SUGCT: variants seen among roughly 807,000 people sequenced by gnomAD.
SUGCT encodes succinyl-CoA:glutarate-CoA transferase.
SUGCT carries 41 observed loss-of-function variants against 55.0 expected under a neutral mutation model. That is an observed-to-expected ratio of 0.74 (90% CI 0.58 to 0.97). The LOEUF (loss-of-function observed/expected upper bound fraction) is 0.97. Ranked by LOEUF, SUGCT falls within the 50% of genes least tolerant of loss-of-function variation. SUGCT has a pLI of 0.00. For missense variants in SUGCT, 568 were observed against 547.8 expected, an observed-to-expected ratio of 1.04 and a Z score of -0.37; for synonymous variants, 187 against 200.4, an observed-to-expected ratio of 0.93 and a Z score of 0.56.
the SUGCT span, among the ~76,000 whole-genome samples, chr7:41,008,633 C>T: frequency 6.6e-6 from 1 of 151,778 alleles, no homozygotes; most frequent in Non-Finnish European, 1.5e-5. Context: ...ATGGAGACAT[C>T]TTGAGTCTGC....
intron 10 of SUGCT, among the ~76,000 whole-genome samples, chr7:40,449,867 T>G (rs1229486600): frequency 1.3e-5 from 2 of 152,228 alleles, no homozygotes; most frequent in African/African-American, 4.8e-5. Flanking sequence ...GTTTCAAGGT[T>G]TTAGGAATTA....
At chr7:40,545,364 C>T (rs1422152400) in intron 12 of SUGCT, among the ~76,000 whole-genome samples, 1 of 152,196 alleles carries the variant, frequency 6.6e-6, no homozygotes, top group Non-Finnish European at 1.5e-5. Context: ...TTCTTTCTTA[C>T]TGGAGCACAC....
intron 12 of SUGCT, among the ~76,000 whole-genome samples, chr7:40,672,485 T>C (rs1246183682): frequency 6.6e-6 from 1 of 152,154 alleles, no homozygotes; most frequent in Non-Finnish European, 1.5e-5. Flanking sequence ...TAAGATTCCT[T>C]TTATATGTAC....
chr7:40,834,487 G>C (rs1792859658), intron 13 of SUGCT, among the ~76,000 whole-genome samples: 1 of 152,110 alleles, frequency 6.6e-6, no homozygotes, highest in Non-Finnish European at 1.5e-5. Flanking sequence ...AGATTGCAGG[G>C]TTTTATTTAA....
intron 9 of SUGCT, chr7:40,388,296 G>C (rs545267395): frequency 6.6e-6 from 1 of 152,044 alleles, no homozygotes; most frequent in Non-Finnish European, 1.5e-5. Flanking sequence ...TTTGTAATAG[G>C]TTGCATTTTC....
At chr7:40,447,423 T>C (rs1208033898) in intron 9 of SUGCT, among the ~76,000 whole-genome samples, 1 of 152,090 alleles carries the variant, frequency 6.6e-6, no homozygotes, top group Non-Finnish European at 1.5e-5. Flanking sequence ...GAGACTTTCA[T>C]GGAGGAGGGA....
chr7:40,752,424 C>T (rs1208033167), intron 13 of SUGCT, among the ~76,000 whole-genome samples: 2 of 152,312 alleles, frequency 1.3e-5, no homozygotes, highest in Admixed American at 1.3e-4. Context: ...GACGCAATCT[C>T]AGCTCACTGC....
intron 9 of SUGCT, among the ~76,000 whole-genome samples, chr7:40,441,265 T>C (rs1788499306): frequency 6.6e-6 from 1 of 152,200 alleles, no homozygotes; most frequent in Non-Finnish European, 1.5e-5. Flanking sequence ...GTAAATTGTC[T>C]AATATCACAC....
chr7:40,890,178 A>G, the SUGCT span, among the ~76,000 whole-genome samples: 44 of 146,252 alleles, frequency 3.0e-4, 2 homozygotes, highest in South Asian at 9.3e-3. Context: ...GAGTTTTTGA[A>G]TTTATATTAT....
In SUGCT at chr7:40,764,710, T is replaced by C. The variant is rs138890991; in HGVS notation, c.1153+15213T>C. 4.1e-3 allele frequency among the ~76,000 whole-genome samples: 628 copies of C among 152,352 alleles called. 1 individual carries two copies. Among genetic ancestry groups the C allele is most frequent in the Non-Finnish European group, 7.4e-3 (502 of 68,032 alleles). On this transcript the variant is annotated intron_variant, in intron 13 of 13. Coordinates refer to ENST00000335693, the MANE Select transcript of SUGCT (RefSeq NM_001193313.2). ...AAATGAAGCTTAATTGGGGCTGTTT[T>C]ACTGCATTGAACTGGCTAAGGAGTT...
intron 12 of SUGCT, among the ~76,000 whole-genome samples, chr7:40,644,893 C>T (rs980672691): frequency 7.2e-5 from 11 of 152,164 alleles, no homozygotes; most frequent in Non-Finnish European, 1.3e-4. Context: ...CCTGGGTCCA[C>T]GGGCAAGGCA....
intron 9 of SUGCT, among the ~76,000 whole-genome samples, chr7:40,394,945 C>T (rs1473145263): frequency 6.6e-6 from 1 of 152,116 alleles, no homozygotes; most frequent in Non-Finnish European, 1.5e-5. Context: ...AAGTTGATTC[C>T]ATATCTTGGC....
chr7:40,143,422 CAGAG>C (rs544297609), intron 1 of SUGCT, among the ~76,000 whole-genome samples: 4 of 152,148 alleles, frequency 2.6e-5, no homozygotes, highest in Non-Finnish European at 4.4e-5. Flanking sequence ...TGGGATATAG[CAGAG>C]AGAGAGTGTG....
chr7:40,386,088 G>A (rs1043557334), intron 9 of SUGCT, among the ~76,000 whole-genome samples: 1 of 152,122 alleles, frequency 6.6e-6, no homozygotes, highest in Non-Finnish European at 1.5e-5. Flanking sequence ...GGATGGCCTG[G>A]TTTCGTCTTC....
intron 11 of SUGCT, among the ~76,000 whole-genome samples, chr7:40,474,811 T>G (rs1374287513): frequency 6.6e-6 from 1 of 152,298 alleles, no homozygotes; most frequent in East Asian, 1.9e-4. Context: ...TGTTTCAGAA[T>G]TTTTTCATCT....
intron 12 of SUGCT, among the ~76,000 whole-genome samples, chr7:40,557,356 G>A (rs545845061): frequency 6.6e-6 from 1 of 152,240 alleles, no homozygotes; most frequent in Middle Eastern, 3.4e-3. Flanking sequence ...AAAATACAGG[G>A]GGAAATCTTC....
At chr7:40,572,333 G>A (rs1440435966) in intron 12 of SUGCT, among the ~76,000 whole-genome samples, 1 of 152,134 alleles carries the variant, frequency 6.6e-6, no homozygotes, top group African/African-American at 2.4e-5. Context: ...ATTCCGCAGG[G>A]CTTAGAGTTT....
intron 8 of SUGCT, among the ~76,000 whole-genome samples, chr7:40,290,352 C>CAT (rs1443586564): frequency 5.3e-5 from 8 of 152,170 alleles, no homozygotes; most frequent in African/African-American, 1.9e-4. Flanking sequence ...AATAATGCCA[C>CAT]ATATCTACAA....
intron 13 of SUGCT, among the ~76,000 whole-genome samples, chr7:40,802,026 C>A (rs1290698434): frequency 1.3e-5 from 2 of 150,856 alleles, no homozygotes; most frequent in African/African-American, 4.9e-5. Flanking sequence ...AAAACTATTT[C>A]CTATGATGTG....
Sources: gnomAD v4.1 joint callset for allele counts (sites outside exome capture counted in the v4.1 genomes callset) on GRCh38, gnomAD v4.1.1 for gene constraint, MANE v1.5 for transcripts, NCBI Gene and HGNC (gene_info 2026-07-23, HGNC 2026-07-21) for gene names.